The following NCAM2 variants were observed in gnomAD, a reference collection of about 807,000 sequenced individuals.
The protein encoded by NCAM2 is neural cell adhesion molecule 2.
Under a neutral mutation model 98.1 loss-of-function variants are expected in NCAM2, and 30 were observed. The ratio of observed to expected loss-of-function variants is 0.31; its 90% confidence interval spans 0.23 to 0.41. The LOEUF (loss-of-function observed/expected upper bound fraction) is 0.41, where lower values mean the gene tolerates loss of function less well. Among genes scored for constraint, NCAM2 ranks in the 10% least tolerant of loss-of-function variants. The pLI is 1.00. For synonymous variants in NCAM2, 368 were observed against 342.4 expected, an observed-to-expected ratio of 1.07 and a Z score of -0.83; for missense variants, 867 against 1,005.8, an observed-to-expected ratio of 0.86 and a Z score of 1.87.
chr21:21,099,362 T>A (rs1397601832), intron 1 of NCAM2, among the ~76,000 whole-genome samples: 1 of 151,882 alleles, frequency 6.6e-6, no homozygotes, highest in Non-Finnish European at 1.5e-5. Flanking sequence ...TATAAAGAAC[T>A]GCCTGAGACT....
At chr21:21,014,352 A>G (rs1339266164) in intron 1 of NCAM2, among the ~76,000 whole-genome samples, 1 of 150,432 alleles carries the variant, frequency 6.6e-6, no homozygotes, top group Non-Finnish European at 1.5e-5. Context: ...TGAACCTGGG[A>G]GGCGGAGGTT....
intron 11 of NCAM2, among the ~76,000 whole-genome samples, chr21:21,427,284 CA>C (rs1189166898): frequency 3.5e-4 from 53 of 151,476 alleles, no homozygotes; most frequent in African/African-American, 1.2e-3. Flanking sequence ...AATAAAATTC[CA>C]AAGAAGAAGA....
At chr21:21,336,246 TAG>T (rs1050620513) in intron 7 of NCAM2, among the ~76,000 whole-genome samples, 1 of 152,152 alleles carries the variant, frequency 6.6e-6, no homozygotes, top group African/African-American at 2.4e-5. Flanking sequence ...GTGCTTCTAA[TAG>T]AATTTTTCCC....
intron 1 of NCAM2, among the ~76,000 whole-genome samples, chr21:21,222,321 T>C (rs1166926368): frequency 6.6e-6 from 1 of 152,170 alleles, no homozygotes; most frequent in Admixed American, 6.6e-5. Flanking sequence ...GTCTTATTAT[T>C]AAAGCAATAC....
chr21:21,062,463 A>G (rs776581620), intron 1 of NCAM2, among the ~76,000 whole-genome samples: 29 of 152,208 alleles, frequency 1.9e-4, no homozygotes, highest in Admixed American at 1.8e-3. Flanking sequence ...AGTGAGTTAC[A>G]CATTCAGCAA....
chr21:21,296,954 G>T (rs1193179442), intron 5 of NCAM2, among the ~76,000 whole-genome samples: 1 of 151,612 alleles, frequency 6.6e-6, no homozygotes. Context: ...TACTGCTTAT[G>T]TTCTCTGTGT....
At chr21:21,030,164 T>G (rs7279633) in intron 1 of NCAM2, among the ~76,000 whole-genome samples, 26,553 of 151,998 alleles carry the variant, frequency 0.17, 4,058 homozygotes, top group African/African-American at 0.42. Context: ...CAGAATACTA[T>G]CCTAAGCATT....
chr21:21,445,972 G>A (rs1377412955), intron 12 of NCAM2, among the ~76,000 whole-genome samples: 1 of 152,112 alleles, frequency 6.6e-6, no homozygotes, highest in Non-Finnish European at 1.5e-5. Context: ...GCTGGTACCA[G>A]TTTTTCCTTT....
At chr21:21,501,965 T>A (rs1022447356) in intron 15 of NCAM2, among the ~76,000 whole-genome samples, 1 of 152,002 alleles carries the variant, frequency 6.6e-6, no homozygotes, top group Non-Finnish European at 1.5e-5. Context: ...AATTGGTAAA[T>A]AAGAGTAATT....
intron 2 of NCAM2, among the ~76,000 whole-genome samples, chr21:21,281,611 G>C (rs2072931413): frequency 6.6e-6 from 1 of 151,884 alleles, no homozygotes; most frequent in Non-Finnish European, 1.5e-5. Context: ...ACAAATGAAT[G>C]CATTATTTAT....
At chr21:21,221,473 T>TA (rs35394115) in intron 1 of NCAM2, among the ~76,000 whole-genome samples, 152,260 of 152,282 alleles carry the variant, frequency 1, 76,119 homozygotes, top group East Asian at 1. Context: ...TGGAGGAAAC[T>TA]AAAATGTACT....
chr21:21,476,773 T>A (rs980811339), intron 14 of NCAM2, among the ~76,000 whole-genome samples: 1 of 152,162 alleles, frequency 6.6e-6, no homozygotes, highest in Admixed American at 6.5e-5. Context: ...TTATTTTATG[T>A]CATAAAACAT....
chr21:21,042,664 T>C (rs2064929990), intron 1 of NCAM2, among the ~76,000 whole-genome samples: 1 of 152,122 alleles, frequency 6.6e-6, no homozygotes, highest in Non-Finnish European at 1.5e-5. Flanking sequence ...TCTGAACTGC[T>C]CCCCTCAGGC....
At chr21:21,525,443 G>A (rs1989269667) in intron 16 of NCAM2, among the ~76,000 whole-genome samples, 1 of 151,960 alleles carries the variant, frequency 6.6e-6, no homozygotes, top group Admixed American at 6.6e-5. Context: ...TCCTCAAAAG[G>A]CGCAATCAGC....
chr21:21,198,569 T>G (rs904790245), intron 1 of NCAM2, among the ~76,000 whole-genome samples: 12 of 152,144 alleles, frequency 7.9e-5, no homozygotes, highest in Non-Finnish European at 1.3e-4. Flanking sequence ...AGGCTAGCAA[T>G]GTAGAAAAAA....
intron 15 of NCAM2, among the ~76,000 whole-genome samples, chr21:21,495,935 A>C (rs1987197946): frequency 6.6e-6 from 1 of 150,922 alleles, no homozygotes; most frequent in Non-Finnish European, 1.5e-5. Flanking sequence ...ACTGCATATT[A>C]ATTTCTAAAT....
chr21:21,021,606 A>G (rs1249022127), intron 1 of NCAM2, among the ~76,000 whole-genome samples: 2 of 152,208 alleles, frequency 1.3e-5, no homozygotes, highest in African/African-American at 4.8e-5. Flanking sequence ...GCAATTCTAG[A>G]ACAATTTTCC....
intron 8 of NCAM2, among the ~76,000 whole-genome samples, chr21:21,358,617 G>A (rs1194219028): frequency 1.3e-5 from 2 of 151,972 alleles, no homozygotes; most frequent in Non-Finnish European, 2.9e-5. Flanking sequence ...TATGACTCAT[G>A]TCTTCCTAAT....
intron 1 of NCAM2, among the ~76,000 whole-genome samples, chr21:21,102,343 A>C (rs1057428149): frequency 1.3e-5 from 2 of 152,042 alleles, no homozygotes; most frequent in African/African-American, 2.4e-5. Context: ...TTTTTAATTT[A>C]AAGGGGTGTG....
Sources: gnomAD v4.1 joint callset for allele counts (sites outside exome capture counted in the v4.1 genomes callset) on GRCh38, gnomAD v4.1.1 for gene constraint, MANE v1.5 for transcripts, NCBI Gene and HGNC (gene_info 2026-07-23, HGNC 2026-07-21) for gene names.